The following AKNA variants were observed in gnomAD, a reference collection of about 807,000 sequenced individuals.
The protein encoded by AKNA is microtubule organization protein AKNA.
AKNA carries 67 observed loss-of-function variants against 138.8 expected under a neutral mutation model. That is an observed-to-expected ratio of 0.48 (90% CI 0.40 to 0.59). AKNA has a LOEUF of 0.59. AKNA is among the 20% of genes least tolerant of loss of function. The pLI, the probability that AKNA is intolerant of heterozygous loss-of-function variation, is 0.00. For synonymous variants in AKNA, 737 were observed against 754.4 expected, an observed-to-expected ratio of 0.98 and a Z score of 0.38; for missense variants, 1,813 against 1,880.4, an observed-to-expected ratio of 0.96 and a Z score of 0.66.
chr9:114,346,929 A>T, intron 16 of AKNA, 145 bp from the exon 17 acceptor site: 1 of 651,724 alleles, frequency 1.5e-6, no homozygotes, highest in Admixed American at 3.5e-5. Context: ...CTCTGAAGTC[A>T]GTTTCACAGA....
chr9:114,383,506 C>T (rs1452465108), intron 1 of AKNA, among the ~76,000 whole-genome samples: 1 of 152,170 alleles, frequency 6.6e-6, no homozygotes, highest in East Asian at 1.9e-4. Flanking sequence ...GGCCTTCTTC[C>T]ACAGATGGGG....
At chr9:114,395,736 TAAAAAAAA>T (rs11297740), upstream of AKNA, among the ~76,000 whole-genome samples, 20 of 108,254 alleles carry the variant, frequency 1.8e-4, no homozygotes, top group South Asian at 6.0e-4. Flanking sequence ...CAGCTGTCTT[TAAAAAAAA>T]AAAAAAAAAA....
intron 7 of AKNA, among the ~76,000 whole-genome samples, chr9:114,364,263 T>C (rs1249857961): frequency 6.6e-6 from 1 of 151,906 alleles, no homozygotes; most frequent in Non-Finnish European, 1.5e-5. Flanking sequence ...CCATCCTGGT[T>C]AAATGAGGGT....
rs1238473202 is a variant in AKNA, at chr9:114,337,044, C to T, written c.*10G>A. ...CCACCCACCCATCTGCCTCTGGGCC[C>T]CCAGTGAAGTCAGAAGAGGCAGGAG... is the stretch of plus-strand genomic sequence containing the variant. On this transcript the variant is annotated 3_prime_UTR_variant, in exon 22 of 22. Transcript: ENST00000374088. The T allele has an allele frequency of 7.2e-5, 99 of 1,371,260 alleles. No individual in the cohort carries two copies. The highest frequency in any genetic ancestry group is 8.9e-5 in the Non-Finnish European group (93 of 1,045,732). 84.9% of individuals were successfully genotyped at this position (1,371,260 alleles called of 1,614,324 possible). A position where few individuals can be genotyped will look rare whatever the true frequency, so the allele number is the denominator to read the frequency against.
At position 114,347,825 on chromosome 9, in the gene AKNA, G is replaced by C; in HGVS notation, c.3297C>G (p.Leu1099=). 1 of 1,551,474 alleles carries C rather than the reference G, an allele frequency of 6.4e-7. No homozygotes were observed. The highest frequency in any genetic ancestry group is 8.7e-7 in the Non-Finnish European group (1 of 1,147,456). ...LRLEDSLHQP[L]QGSPTRPASA... is the part of the protein sequence containing the mutation. ...ATGCTGGGCGTGTCGGGCTGCCCTG[G>C]AGTGGCTGGTGCAGGCTGTCTTCCA... Residue 1099 remains leucine (L), a synonymous_variant, in exon 16 of 22, where the codon CTC becomes CTG. Coordinates refer to ENST00000374088, the MANE Select transcript of AKNA (RefSeq NM_001317950.2).
intron 21 of AKNA, among the ~76,000 whole-genome samples, chr9:114,340,055 C>T (rs536242709): frequency 5.0e-4 from 76 of 152,278 alleles, no homozygotes; most frequent in Admixed American, 1.6e-3. Flanking sequence ...GCCAAGATGG[C>T]GCCACTGCAC....
In AKNA at chr9:114,335,808, A is replaced by AG. The variant is rs1829967483; in HGVS notation, c.*1245_*1246insC. 1.3e-5 allele frequency: 2 copies of AG among 152,040 alleles called. No homozygotes were observed. Among genetic ancestry groups the AG allele is most frequent in the Non-Finnish European group, 2.9e-5 (2 of 68,126 alleles). The allele number at this position is 152,040 out of a possible 1,614,324, so 9.4% of individuals were successfully genotyped here. ...AAAAAAGAAAAAGAAAAAAGAAAAA[A>AG]AAAAGAAAGAAAGGAGCACTGGAGA... On this transcript the variant is annotated 3_prime_UTR_variant, in exon 22 of 22. Transcript: ENST00000374088.
In AKNA at chr9:114,380,981, C is replaced by CAAAAAAAAAAAAAAAAAAAAAA. The variant is rs34055519; in HGVS notation, c.274+78_274+79insTTTTTTTTTTTTTTTTTTTTTT. 3.8e-5 allele frequency: 42 copies of CAAAAAAAAAAAAAAAAAAAAAA among 1,110,524 alleles called. 2 individuals carry two copies. In the African/African-American group the frequency reaches 9.9e-4, roughly 26 times the overall value. 68.8% of individuals were successfully genotyped at this position (1,110,524 alleles called of 1,614,324 possible). On this transcript the variant is annotated intron_variant, in intron 2 of 21. Transcript: ENST00000374088. ...CTGGCAATGAAGCAAGACTCTGTCT[C>CAAAAAAAAAAAAAAAAAAAAAA]AAAAAAAAAAAAAAAAAAAAGAACG... is the stretch of plus-strand genomic sequence containing the variant.
chr9:114,342,622 T>C (rs1830432083), intron 19 of AKNA, among the ~76,000 whole-genome samples: 1 of 150,032 alleles, frequency 6.7e-6, no homozygotes, highest in Admixed American at 6.7e-5. Context: ...GGAGAGTGGG[T>C]GCCATTGTTC....
chr9:114,331,610 CA>C, downstream of AKNA: 1 of 1,614,078 alleles, frequency 6.2e-7, no homozygotes, highest in Non-Finnish European at 8.5e-7. Context: ...TCCTTAGGGA[CA>C]CCAAGACCTT....
chr9:114,332,353 C>T (rs1274670928), downstream of AKNA, among the ~76,000 whole-genome samples: 2 of 152,114 alleles, frequency 1.3e-5, no homozygotes, highest in African/African-American at 4.8e-5. Context: ...TGCAGCACGG[C>T]CACAGTCACC....
At chr9:114,332,782 G>A (rs946125130), downstream of AKNA, among the ~76,000 whole-genome samples, 1 of 152,218 alleles carries the variant, frequency 6.6e-6, no homozygotes, top group Non-Finnish European at 1.5e-5. Context: ...TGGTTGTGAG[G>A]AATTCAGGAG....
In AKNA at chr9:114,352,213, C is replaced by T. The variant is rs551980085; in HGVS notation, c.3059-1192G>A. 6.6e-5 allele frequency among the ~76,000 whole-genome samples: 10 copies of T among 152,294 alleles called. No individual in the cohort carries two copies. The East Asian group carries it at 1.9e-3, about 29-fold the overall frequency. On this transcript the variant is annotated intron_variant, in intron 14 of 21. Transcript: ENST00000374088. ...TTGTACTACAGTTTTGCAAGATAGTCTCACTGGGGAAAACTGAGTAAAGGC... is the reference window on the plus strand; with the variant it reads ...TTGTACTACAGTTTTGCAAGATAGTTTCACTGGGGAAAACTGAGTAAAGGC...
At chr9:114,380,750 C>T (rs574493010) in intron 2 of AKNA, among the ~76,000 whole-genome samples, 14 of 147,798 alleles carry the variant, frequency 9.5e-5, no homozygotes, top group African/African-American at 3.1e-4. Flanking sequence ...CCGAGGCGGG[C>T]GGATCACGAG....
At chr9:114,374,484 C>G (rs1482658453) in intron 3 of AKNA, among the ~76,000 whole-genome samples, 1 of 152,196 alleles carries the variant, frequency 6.6e-6, no homozygotes, top group Non-Finnish European at 1.5e-5. Flanking sequence ...TTTTATTTCT[C>G]CAAATGCCCT....
In AKNA at chr9:114,341,841, G is replaced by A. The variant is rs1021930218; in HGVS notation, c.3875-116C>T. The A allele has an allele frequency of 1.0e-5, 14 of 1,339,224 alleles. No individual in the cohort carries two copies. The Admixed American group carries it at 1.8e-4, about 18-fold the overall frequency. The allele number at this position is 1,339,224 out of a possible 1,614,324, so 83.0% of individuals were successfully genotyped here. A position where few individuals can be genotyped will look rare whatever the true frequency, so the allele number is the denominator to read the frequency against. On this transcript the variant is annotated intron_variant, in intron 20 of 21. Transcript: ENST00000374088. Reference sequence around the variant, plus strand: ...GAGAGCTGGACAGGCCCTACCCTGTGAGACTCCATGTCGGGGAGGTCTCTC... The same window carrying A: ...GAGAGCTGGACAGGCCCTACCCTGTAAGACTCCATGTCGGGGAGGTCTCTC...
chr9:114,331,884 C>G, downstream of AKNA: 1 of 1,613,858 alleles, frequency 6.2e-7, no homozygotes, highest in Non-Finnish European at 8.5e-7. Flanking sequence ...CTCTCGACTG[C>G]TTGTGCATTC....
chr9:114,346,766 C>G lies in AKNA; in HGVS notation c.3417G>C (p.Leu1139Phe). The change falls in exon 17 of 22, where the codon TTG becomes TTC. Residue 1139 changes from leucine (L) to phenylalanine (F), a missense_variant. Physicochemically the swap from Leu to Phe is conservative, Grantham distance 22. Coordinates refer to ENST00000374088, the MANE Select transcript of AKNA (RefSeq NM_001317950.2). ...SHYGSKSTER[L>F]PGEPRGEEQI... ...GCTCTTCACCTCTAGGCTCACCAGG[C>G]AATCTCTCTGTGGATTTACTAGCAA... The G allele has an allele frequency of 6.2e-7, 1 of 1,612,466 alleles. No individual in the cohort carries two copies. Among genetic ancestry groups the G allele is most frequent in the African/African-American group, 1.3e-5 (1 of 74,952 alleles).
At chr9:114,391,193 T>G (rs1029133135), upstream of AKNA, among the ~76,000 whole-genome samples, 1 of 152,156 alleles carries the variant, frequency 6.6e-6, no homozygotes, top group African/African-American at 2.4e-5. Flanking sequence ...TGAGCTGCAG[T>G]AGAGTTTCAA....
Sources: gnomAD v4.1 joint callset for allele counts (sites outside exome capture counted in the v4.1 genomes callset) on GRCh38, gnomAD v4.1.1 for gene constraint, MANE v1.5 for transcripts, NCBI Gene and HGNC (gene_info 2026-07-23, HGNC 2026-07-21) for gene names.